The following GRIA4 variants were observed in gnomAD, a reference collection of about 807,000 sequenced individuals.
GRIA4 encodes glutamate receptor 4.
Under a neutral mutation model 104.0 loss-of-function variants are expected in GRIA4, and 34 were observed. The observed-to-expected ratio is 0.33, with a 90% CI of 0.25 to 0.44. The LOEUF (loss-of-function observed/expected upper bound fraction) is 0.44, where lower values mean the gene tolerates loss of function less well. Ranked by LOEUF, GRIA4 falls within the 20% of genes least tolerant of loss-of-function variation. GRIA4 has a pLI of 1.00. For missense variants in GRIA4, 750 were observed against 1,096.5 expected (o/e 0.68, Z 4.46); for synonymous variants, 386 against 381.9 (o/e 1.01, Z -0.13).
chr11:105,903,721 GC>G, intron 7 of GRIA4, 92 bp from the exon 8 acceptor site: 1 of 818,558 alleles, frequency 1.2e-6, no homozygotes. Flanking sequence ...ACAGAATGGT[GC>G]TTTATGTCAT....
At chr11:105,907,801 AT>A (rs929680824) in intron 9 of GRIA4, among the ~76,000 whole-genome samples, 1 of 152,114 alleles carries the variant, frequency 6.6e-6, no homozygotes, top group East Asian at 1.9e-4. Context: ...TAAGATATAT[AT>A]TTTTTTCTCC....
chr11:105,774,244 T>G (rs541605095), intron 4 of GRIA4, among the ~76,000 whole-genome samples: 70 of 151,396 alleles, frequency 4.6e-4, no homozygotes, highest in Non-Finnish European at 8.0e-4. Context: ...AATCAAAAAT[T>G]TAATATAAAA....
chr11:105,839,880 T>C (rs1944332332), intron 4 of GRIA4, among the ~76,000 whole-genome samples: 1 of 152,116 alleles, frequency 6.6e-6, no homozygotes, highest in Non-Finnish European at 1.5e-5. Flanking sequence ...AAGTATATTG[T>C]TAACCATAAT....
intron 12 of GRIA4, among the ~76,000 whole-genome samples, chr11:105,925,971 C>G (rs1297669773): frequency 2.0e-5 from 3 of 152,114 alleles, no homozygotes; most frequent in Non-Finnish European, 4.4e-5. Flanking sequence ...CACATTTGCT[C>G]TGCACTCACA....
chr11:105,698,519 C>T (rs1189086941), intron 3 of GRIA4, among the ~76,000 whole-genome samples: 2 of 152,080 alleles, frequency 1.3e-5, no homozygotes, highest in Non-Finnish European at 2.9e-5. Flanking sequence ...GAATCTGTTT[C>T]CCTGGTAACA....
chr11:105,973,749 T>C (rs1349236612), intron 15 of GRIA4, among the ~76,000 whole-genome samples: 6 of 152,140 alleles, frequency 3.9e-5, no homozygotes, highest in African/African-American at 1.2e-4. Flanking sequence ...ACAAATAATG[T>C]GTACCTTGGC....
At chr11:105,665,863 C>A (rs912337640) in intron 3 of GRIA4, among the ~76,000 whole-genome samples, 5 of 151,832 alleles carry the variant, frequency 3.3e-5, no homozygotes, top group South Asian at 4.1e-4. Flanking sequence ...AAAGAAATAC[C>A]AAGCTTGGTC....
chr11:105,860,232 G>A (rs770956831), intron 4 of GRIA4, among the ~76,000 whole-genome samples: 77 of 151,994 alleles, frequency 5.1e-4, no homozygotes, highest in Non-Finnish European at 8.5e-4. Context: ...TTTCAAATAT[G>A]ATCTCATCAT....
intron 4 of GRIA4, among the ~76,000 whole-genome samples, chr11:105,759,612 C>T (rs953288888): frequency 2.6e-5 from 4 of 152,076 alleles, no homozygotes; most frequent in South Asian, 4.2e-4. Flanking sequence ...GTCCACTTCT[C>T]GTGAAATACC....
intron 14 of GRIA4, among the ~76,000 whole-genome samples, chr11:105,955,558 A>G (rs1948566598): frequency 6.6e-6 from 1 of 152,144 alleles, no homozygotes; most frequent in South Asian, 2.1e-4. Context: ...TGTCTTTGCT[A>G]TTGTACACAG....
At chr11:105,703,980 A>G (rs1264100928) in intron 3 of GRIA4, among the ~76,000 whole-genome samples, 1 of 152,084 alleles carries the variant, frequency 6.6e-6, no homozygotes, top group Admixed American at 6.6e-5. Context: ...TTAAAAATCT[A>G]TTGATATTCT....
chr11:105,771,835 A>T (rs1350099599), intron 4 of GRIA4, among the ~76,000 whole-genome samples: 10 of 152,068 alleles, frequency 6.6e-5, no homozygotes. Context: ...GCATGTTGTG[A>T]ATGCCTAAAA....
chr11:105,662,130 A>C (rs1027218658), intron 3 of GRIA4, among the ~76,000 whole-genome samples: 1 of 151,890 alleles, frequency 6.6e-6, no homozygotes, highest in African/African-American at 2.4e-5. Flanking sequence ...ATGACATTTT[A>C]TTTGAGTCAT....
intron 3 of GRIA4, among the ~76,000 whole-genome samples, chr11:105,736,232 C>T (rs1342600847): frequency 1.3e-5 from 2 of 152,114 alleles, no homozygotes; most frequent in African/African-American, 4.8e-5. Context: ...TTACTGACCT[C>T]ACCACCCTGC....
At chr11:105,666,961 T>C (rs1952184664) in intron 3 of GRIA4, among the ~76,000 whole-genome samples, 1 of 151,994 alleles carries the variant, frequency 6.6e-6, no homozygotes, top group South Asian at 2.1e-4. Flanking sequence ...TCAAGATCAC[T>C]CAGTATCTTC....
chr11:105,914,738 A>T (rs1947351093), intron 10 of GRIA4, among the ~76,000 whole-genome samples: 1 of 152,194 alleles, frequency 6.6e-6, no homozygotes. Context: ...TGCAAAGCAC[A>T]GTAGTTGATA....
At chr11:105,867,948 CCAGA>C (rs1945487724) in intron 5 of GRIA4, among the ~76,000 whole-genome samples, 1 of 152,276 alleles carries the variant, frequency 6.6e-6, no homozygotes, top group African/African-American at 2.4e-5. Flanking sequence ...CGTCTGCATG[CCAGA>C]CATTGTTCCA....
intron 14 of GRIA4, among the ~76,000 whole-genome samples, chr11:105,956,879 T>C (rs1231184098): frequency 6.6e-6 from 1 of 152,212 alleles, no homozygotes; most frequent in Non-Finnish European, 1.5e-5. Flanking sequence ...CATTTTTTCA[T>C]GTGTCTTTTG....
intron 3 of GRIA4, among the ~76,000 whole-genome samples, chr11:105,630,859 A>G (rs1168047374): frequency 6.6e-6 from 1 of 152,302 alleles, no homozygotes; most frequent in East Asian, 1.9e-4. Context: ...TCCTATAATG[A>G]GAGTCTTCAA....
Sources: allele counts gnomAD v4.1 joint callset (sites outside exome capture counted in the v4.1 genomes callset), GRCh38; gene constraint gnomAD v4.1.1; transcripts MANE v1.5; gene names NCBI Gene and HGNC (gene_info 2026-07-23, HGNC 2026-07-21).